The following NCOA1 variants were observed in gnomAD, a reference collection of about 807,000 sequenced individuals.
NCOA1 encodes the protein nuclear receptor coactivator 1.
NCOA1 carries 35 observed loss-of-function variants against 150.9 expected under a neutral mutation model. The observed-to-expected ratio is 0.23, with a 90% confidence interval of 0.18 to 0.31. NCOA1 has a LOEUF of 0.31. NCOA1 is among the 10% of genes least tolerant of loss of function. The pLI, the probability that NCOA1 is intolerant of heterozygous loss-of-function variation, is 1.00. For missense variants in NCOA1, 1,491 were observed against 1,749.3 expected, an observed-to-expected ratio of 0.85 and a Z score of 2.63; for synonymous variants, 590 against 630.0, an observed-to-expected ratio of 0.94 and a Z score of 0.95.
intron 3 of NCOA1, among the ~76,000 whole-genome samples, chr2:24,622,888 G>A (rs982622408): frequency 1.3e-5 from 2 of 152,158 alleles, no homozygotes; most frequent in African/African-American, 4.8e-5. Context: ...AGATTTTTAA[G>A]TTGAATGTAG....
intron 7 of NCOA1, among the ~76,000 whole-genome samples, chr2:24,680,916 G>A (rs1382778642): frequency 2.6e-5 from 4 of 152,068 alleles, no homozygotes; most frequent in East Asian, 1.9e-4. Context: ...AAATGGAAAA[G>A]TATATCATTG....
chr2:24,688,596 G>A (rs1301452725), intron 8 of NCOA1, among the ~76,000 whole-genome samples: 1 of 151,912 alleles, frequency 6.6e-6, no homozygotes, highest in Non-Finnish European at 1.5e-5. Context: ...TTTTTAATGG[G>A]GTTGTTTTTT....
At chr2:24,551,409 G>A (rs1034647730) in intron 1 of NCOA1, among the ~76,000 whole-genome samples, 8 of 151,900 alleles carry the variant, frequency 5.3e-5, no homozygotes, top group African/African-American at 1.5e-4. Flanking sequence ...TTTGTGGTTC[G>A]TCTTTACATT....
chr2:24,752,322 C>T (rs925708753), intron 20 of NCOA1, among the ~76,000 whole-genome samples, 166 bp downstream of exon 20: 7 of 152,286 alleles, frequency 4.6e-5, no homozygotes, highest in Admixed American at 1.3e-4. Context: ...CCCGTTCCCC[C>T]GTTTATGTGT....
rs1287116808 is a variant in NCOA1, at chr2:24,706,903, G to A, written c.1433G>A (p.Gly478Asp). ...SLNLNNSPME[G>D]TGISLAQFMS... ...AACCTCAATAATTCTCCTATGGAAG[G>A]TACAGGAATATCCCTAGCACAGTTC... Residue 478 changes from glycine (G) to aspartate (D), a missense_variant, in exon 13 of 23, where the codon GGT (glycine) becomes GAT (aspartate). Transcript: ENST00000348332. The A allele has an allele frequency of 3.1e-6, 5 of 1,614,020 alleles. No homozygotes were observed. The highest frequency in any genetic ancestry group is 2.7e-5 in the African/African-American group (2 of 74,910).
intron 4 of NCOA1, among the ~76,000 whole-genome samples, chr2:24,653,548 C>T (rs1670797444): frequency 2.0e-5 from 3 of 151,988 alleles, no homozygotes; most frequent in Admixed American, 6.6e-5. Context: ...GTTTTTAATT[C>T]ATCACCTATT....
At chr2:24,680,381 C>T (rs1006344133) in intron 7 of NCOA1, among the ~76,000 whole-genome samples, 7 of 152,122 alleles carry the variant, frequency 4.6e-5, no homozygotes, top group African/African-American at 1.2e-4. Context: ...ATACACAGAG[C>T]GGAATACTAT....
At chr2:24,722,087 A>C (rs1674383369) in intron 14 of NCOA1, among the ~76,000 whole-genome samples, 1 of 152,212 alleles carries the variant, frequency 6.6e-6, no homozygotes, top group East Asian at 1.9e-4. Flanking sequence ...TGAGAAAACA[A>C]AGGTCCAGAG....
intron 1 of NCOA1, among the ~76,000 whole-genome samples, chr2:24,552,933 G>GA (rs1004697547): frequency 6.6e-6 from 1 of 151,846 alleles, no homozygotes; most frequent in East Asian, 1.9e-4. Flanking sequence ...GTCATTTGTG[G>GA]AAAAAAACAG....
chr2:24,745,761 T>A (rs760714584), intron 19 of NCOA1, among the ~76,000 whole-genome samples: 3 of 152,182 alleles, frequency 2.0e-5, no homozygotes, highest in Non-Finnish European at 2.9e-5. Flanking sequence ...AAACTTAACT[T>A]GTACAAACCT....
At position 24,769,115 on chromosome 2, in the gene NCOA1, G is replaced by T; in HGVS notation, c.*724G>T. 1 of 210,086 alleles carries T rather than the reference G, an allele frequency of 4.8e-6. No homozygotes were observed. The highest frequency in any genetic ancestry group is 9.7e-6 in the Non-Finnish European group (1 of 103,208). 13.0% of individuals were successfully genotyped at this position (210,086 alleles called of 1,614,324 possible). On this transcript the variant is annotated 3_prime_UTR_variant, in exon 23 of 23. Coordinates refer to ENST00000348332, the MANE Select transcript of NCOA1 (RefSeq NM_003743.5). The stretch of plus-strand genomic sequence containing the variant: ...GGGTGAAGGACAAGAAGTGAGTTGT[G>T]TCAATTATTGTAGATACAATTTTCT...
intron 1 of NCOA1, among the ~76,000 whole-genome samples, chr2:24,549,345 G>T (rs564791141): frequency 6.6e-6 from 1 of 152,146 alleles, no homozygotes; most frequent in Non-Finnish European, 1.5e-5. Context: ...GGCCTGGCCC[G>T]CAAAACCATT....
chr2:24,649,006 CT>C (rs1361313024), intron 4 of NCOA1, among the ~76,000 whole-genome samples: 2 of 151,988 alleles, frequency 1.3e-5, no homozygotes, highest in African/African-American at 4.8e-5. Context: ...TGGCTTCTAG[CT>C]GTTTTTCTGC....
chr2:24,563,596 C>T (rs1666379250), intron 1 of NCOA1, among the ~76,000 whole-genome samples: 1 of 152,022 alleles, frequency 6.6e-6, no homozygotes, highest in African/African-American at 2.4e-5. Flanking sequence ...TGGCTCACTG[C>T]AGTCTCAACC....
At chr2:24,585,604 C>T (rs570238626) in intron 3 of NCOA1, among the ~76,000 whole-genome samples, 4 of 151,728 alleles carry the variant, frequency 2.6e-5, no homozygotes, top group African/African-American at 4.8e-5. Context: ...ATTGGTCTTT[C>T]GTCTTCTTTA....
intron 4 of NCOA1, among the ~76,000 whole-genome samples, chr2:24,647,988 C>T (rs550427471): frequency 6.6e-6 from 1 of 152,144 alleles, no homozygotes; most frequent in East Asian, 1.9e-4. Context: ...TTGAGAACCC[C>T]GGAAAATGGA....
chr2:24,687,468 G>A (rs920729549), intron 8 of NCOA1, among the ~76,000 whole-genome samples: 3 of 151,984 alleles, frequency 2.0e-5, no homozygotes, highest in Non-Finnish European at 2.9e-5. Flanking sequence ...ATCACCCAGT[G>A]TATTAGTCCA....
rs1358411063 is a variant in NCOA1, at chr2:24,700,283, T to C, written c.949+2485T>C. 4.6e-5 allele frequency among the ~76,000 whole-genome samples: 7 copies of C among 152,030 alleles called. No individual in the cohort carries two copies. The South Asian group carries it at 1.0e-3, about 23-fold the overall frequency. ...GCTGCCTTTTCACTTAGGGACAGTA[T>C]AAAAAGAGTGAAACAGATTATGTAC... is the stretch of plus-strand genomic sequence containing the variant. On this transcript the variant is annotated intron_variant, in intron 11 of 22. Coordinates refer to ENST00000348332, the MANE Select transcript of NCOA1 (RefSeq NM_003743.5).
At chr2:24,697,368 G>T (rs1672953998) in intron 10 of NCOA1, among the ~76,000 whole-genome samples, 1 of 152,150 alleles carries the variant, frequency 6.6e-6, no homozygotes, top group Non-Finnish European at 1.5e-5. Flanking sequence ...AGAAGAGTTT[G>T]AACTGCATTA....
Sources: gnomAD v4.1 joint callset for allele counts (sites outside exome capture counted in the v4.1 genomes callset) on GRCh38, gnomAD v4.1.1 for gene constraint, MANE v1.5 for transcripts, NCBI Gene and HGNC (gene_info 2026-07-23, HGNC 2026-07-21) for gene names.